ZCCHC7: variants seen among roughly 807,000 people sequenced by gnomAD.
ZCCHC7 encodes zinc finger CCHC domain-containing protein 7.
Under a neutral mutation model 52.0 loss-of-function variants are expected in ZCCHC7, and 35 were observed. The ratio of observed to expected loss-of-function variants is 0.67; its 90% CI spans 0.51 to 0.89. ZCCHC7 has a LOEUF of 0.89. Among genes scored for constraint, ZCCHC7 ranks in the 40% least tolerant of loss-of-function variants. The pLI is 0.00. For missense variants in ZCCHC7, 574 were observed against 649.1 expected (o/e 0.88, Z 1.26); for synonymous variants, 217 against 221.5 (o/e 0.98, Z 0.18).
chr9:37,333,623 T>G (rs1830533963), intron 6 of ZCCHC7, among the ~76,000 whole-genome samples: 1 of 151,622 alleles, frequency 6.6e-6, no homozygotes, highest in African/African-American at 2.4e-5. Context: ...CGTTTGCACT[T>G]TTTTTTATTA....
At chr9:37,332,526 G>C (rs575612507) in intron 6 of ZCCHC7, among the ~76,000 whole-genome samples, 1 of 151,324 alleles carries the variant, frequency 6.6e-6, no homozygotes, top group East Asian at 1.9e-4. Context: ...AGAATTTGCT[G>C]TTAAAATTAT....
Position 37,164,513 on chromosome 9 carries a change from G to A in ZCCHC7, c.610+37571G>A, listed in dbSNP as rs1056774817. ...GATAGATAGATAGACAGACAAGATA[G>A]ATAGACTCTGTCTCAGAAGGAAGGG... is the stretch of plus-strand genomic sequence containing the variant. On this transcript the variant is annotated intron_variant, in intron 2 of 8. Transcript: ENST00000336755. Among the ~76,000 whole-genome samples the A allele has an allele frequency of 1.3e-4, 19 of 150,624 alleles. 1 individual carries two copies. Among genetic ancestry groups the A allele is most frequent in the African/African-American group, 4.7e-4 (19 of 40,454 alleles).
At chr9:37,176,025 C>A (rs1047317791) in intron 2 of ZCCHC7, among the ~76,000 whole-genome samples, 1 of 152,088 alleles carries the variant, frequency 6.6e-6, no homozygotes, top group Non-Finnish European at 1.5e-5. Context: ...TCATATGCTT[C>A]TGACAAATAT....
chr9:37,273,251 C>G (rs921179511), intron 2 of ZCCHC7, among the ~76,000 whole-genome samples: 4 of 152,116 alleles, frequency 2.6e-5, no homozygotes, highest in African/African-American at 4.8e-5. Flanking sequence ...CACCTGTAAT[C>G]CCAGCACTTT....
At chr9:37,130,785 T>G (rs1262049172) in intron 2 of ZCCHC7, among the ~76,000 whole-genome samples, 1 of 151,522 alleles carries the variant, frequency 6.6e-6, no homozygotes, top group Non-Finnish European at 1.5e-5. Context: ...CGTGAGCCAC[T>G]GCGTCTGGCC....
At chr9:37,171,574 T>C (rs1821730089) in intron 2 of ZCCHC7, among the ~76,000 whole-genome samples, 1 of 152,084 alleles carries the variant, frequency 6.6e-6, no homozygotes, top group Admixed American at 6.6e-5. Flanking sequence ...CATGCCACCA[T>C]GCCCAGCTAA....
intron 2 of ZCCHC7, among the ~76,000 whole-genome samples, chr9:37,166,840 C>T (rs967128760): frequency 6.6e-6 from 1 of 152,030 alleles, no homozygotes; most frequent in Non-Finnish European, 1.5e-5. Flanking sequence ...AATTTCTGTA[C>T]GTAATTTGGG....
chr9:37,271,333 C>T (rs946680912), intron 2 of ZCCHC7, among the ~76,000 whole-genome samples: 1 of 152,018 alleles, frequency 6.6e-6, no homozygotes, highest in Non-Finnish European at 1.5e-5. Context: ...ATTTCTTTAA[C>T]AAATAATTGC....
At chr9:37,161,739 A>T (rs17487039) in intron 2 of ZCCHC7, among the ~76,000 whole-genome samples, 7,251 of 152,270 alleles carry the variant, frequency 0.048, 263 homozygotes, top group Non-Finnish European at 0.071. Flanking sequence ...ACGGAATATT[A>T]TAAGCTCAGA....
At chr9:37,157,784 AATG>A (rs1820893951) in intron 2 of ZCCHC7, among the ~76,000 whole-genome samples, 1 of 152,228 alleles carries the variant, frequency 6.6e-6, no homozygotes, top group African/African-American at 2.4e-5. Flanking sequence ...CAAAAAGTAA[AATG>A]ATAACAAATA....
intron 2 of ZCCHC7, among the ~76,000 whole-genome samples, chr9:37,162,275 A>C (rs1821148278): frequency 1.3e-5 from 2 of 152,088 alleles, no homozygotes; most frequent in South Asian, 4.1e-4. Context: ...TAAAATGTAC[A>C]GTTTCATAGG....
At chr9:37,327,893 A>C (rs1176873287) in intron 6 of ZCCHC7, 59 bp downstream of exon 6, 6 of 1,551,324 alleles carry the variant, frequency 3.9e-6, no homozygotes, top group Non-Finnish European at 5.3e-6. Flanking sequence ...CCTTCTCTGA[A>C]CTGCTGACCA....
chr9:37,135,336 TAAG>T (rs1056048973), intron 2 of ZCCHC7, among the ~76,000 whole-genome samples: 23 of 152,360 alleles, frequency 1.5e-4, no homozygotes, highest in Non-Finnish European at 2.5e-4. Context: ...TCAGAAGAAA[TAAG>T]AAGTTCTTAT....
At position 37,126,562 on chromosome 9, in the gene ZCCHC7, T is replaced by C; in HGVS notation, c.230T>C (p.Leu77Pro). ...SKPNQKKLIV[L>P]SDSEVIQLSD... ...CCAAATCAGAAGAAGCTAATCGTCC[T>C]TTCAGATAGTGAGGTCATCCAGCTG... The change falls in exon 2 of 9, where the codon CTT becomes CCT. Residue 77 changes from leucine (L) to proline (P), a missense_variant. This residue lies in a region of ZCCHC7 where 403 missense variants were observed against 461.2 expected (regional missense o/e 0.87). Transcript: ENST00000336755. The C allele has an allele frequency of 6.2e-7, 1 of 1,614,148 alleles. No homozygotes were observed. The highest frequency in any genetic ancestry group is 8.5e-7 in the Non-Finnish European group (1 of 1,180,036).
chr9:37,174,848 C>CG (rs1370050585), intron 2 of ZCCHC7, among the ~76,000 whole-genome samples: 4 of 151,996 alleles, frequency 2.6e-5, no homozygotes, highest in Admixed American at 1.3e-4. Flanking sequence ...TAAGAATATT[C>CG]GATCCTGGCC....
chr9:37,320,391 T>A (rs1027375266), intron 5 of ZCCHC7, among the ~76,000 whole-genome samples: 1 of 152,206 alleles, frequency 6.6e-6, no homozygotes, highest in African/African-American at 2.4e-5. Context: ...TTCGGTTATT[T>A]TTTACAAAAT....
chr9:37,329,896 A>C (rs1830388851), intron 6 of ZCCHC7, among the ~76,000 whole-genome samples: 1 of 151,178 alleles, frequency 6.6e-6, no homozygotes, highest in Non-Finnish European at 1.5e-5. Context: ...TCTGCTTAAA[A>C]CTCTGGAGCT....
At chr9:37,280,772 TTGTC>T (rs1001671175) in intron 2 of ZCCHC7, among the ~76,000 whole-genome samples, 5 of 152,030 alleles carry the variant, frequency 3.3e-5, no homozygotes, top group African/African-American at 4.8e-5. Flanking sequence ...TTCTTTCTCT[TTGTC>T]TTTCTTTCTT....
At chr9:37,139,300 GT>G (rs1355926652) in intron 2 of ZCCHC7, among the ~76,000 whole-genome samples, 1 of 151,984 alleles carries the variant, frequency 6.6e-6, no homozygotes, top group Non-Finnish European at 1.5e-5. Context: ...TGTGCAAATA[GT>G]TAAGAAATAA....
Sources: allele counts gnomAD v4.1 joint callset (sites outside exome capture counted in the v4.1 genomes callset), GRCh38; gene constraint gnomAD v4.1.1; regional missense constraint gnomAD v4.1.1; transcripts MANE v1.5; gene names NCBI Gene and HGNC (gene_info 2026-07-23, HGNC 2026-07-21).